The following OOEP variants were observed in gnomAD, a reference collection of about 807,000 sequenced individuals.
OOEP encodes oocyte expressed protein.
OOEP carries 16 observed loss-of-function variants against 13.7 expected under a neutral mutation model. The observed-to-expected ratio is 1.16, with a 90% CI of 0.79 to 1.77. The LOEUF (loss-of-function observed/expected upper bound fraction) is 1.77, where lower values mean the gene tolerates loss of function less well. Among genes scored for constraint, OOEP ranks in the 40% most tolerant of loss-of-function variants. The probability of loss-of-function intolerance (pLI) is 0.00; values close to 1 mark genes in which losing one functional copy is unlikely to be tolerated. For missense variants in OOEP, 195 were observed against 193.1 expected (o/e 1.01, Z -0.06); for synonymous variants, 89 against 77.1 (o/e 1.15, Z -0.81).
chr6:73,394,461 G>T lies in OOEP; in HGVS notation c.-91C>A, dbSNP rs1413119184. On this transcript the variant is annotated 5_prime_UTR_variant, in exon 2 of 4. Coordinates refer to the OOEP transcript ENST00000370363. ...GCCAGAAGCCAAGAGTTCAAGACCT[G>T]CCTGGGCAACACGGCGACACCCCGT... 18 of 687,632 alleles carry T rather than the reference G, an allele frequency of 2.6e-5. No homozygotes were observed. In the East Asian group the frequency reaches 4.9e-4, roughly 19 times the overall value. The allele number at this position is 687,632 out of a possible 1,614,324, so 42.6% of individuals were successfully genotyped here.
In OOEP at chr6:73,394,767, G is replaced by A. The variant is rs1582632713; in HGVS notation, c.-167C>T. ...GTGCGAAGTGGGCGGGATAGAGAGCGTGGGCGGGGGGGCTAGCCTCGTGCG... is the reference window on the plus strand; with the variant it reads ...GTGCGAAGTGGGCGGGATAGAGAGCATGGGCGGGGGGGCTAGCCTCGTGCG... On this transcript the variant is annotated 5_prime_UTR_variant, in exon 1 of 4. Transcript: ENST00000370363. 8.7e-6 allele frequency: 11 copies of A among 1,259,316 alleles called. No homozygotes were observed. In the East Asian group the frequency reaches 1.2e-4, roughly 14 times the overall value. 78.0% of individuals were successfully genotyped at this position (1,259,316 alleles called of 1,614,324 possible). A position where few individuals can be genotyped will look rare whatever the true frequency, so the allele number is the denominator to read the frequency against.
At chr6:73,375,452 C>T (rs970073202) in intron 2 of OOEP, among the ~76,000 whole-genome samples, 1 of 151,906 alleles carries the variant, frequency 6.6e-6, no homozygotes, top group Non-Finnish European at 1.5e-5. Context: ...GTGTCTCATG[C>T]CTTGTAGTCC....
chr6:73,385,097 A>G (rs1272407355), intron 2 of OOEP, among the ~76,000 whole-genome samples: 1 of 150,584 alleles, frequency 6.6e-6, no homozygotes, highest in African/African-American at 2.4e-5. Flanking sequence ...CTGTAATCCC[A>G]GCACTTTGGG....
chr6:73,369,395 T>A lies in OOEP; in HGVS notation c.191-10A>T. The A allele has an allele frequency of 6.2e-7, 1 of 1,605,656 alleles. No individual in the cohort carries two copies. On this transcript the variant is annotated splice_polypyrimidine_tract_variant and intron_variant, in intron 1 of 2. Transcript: ENST00000370359. ...ATGGCTCGGTCTGGGCCTAAACAAG[T>A]AAGGAAAAACTCTGAGGGGCTGCAC...
chr6:73,383,456 T>C (rs925742998), intron 2 of OOEP, among the ~76,000 whole-genome samples: 12 of 152,108 alleles, frequency 7.9e-5, no homozygotes, highest in African/African-American at 2.2e-4. Context: ...GTCAATATGG[T>C]GAAACCCCAT....
intron 2 of OOEP, among the ~76,000 whole-genome samples, chr6:73,383,483 A>G (rs1258810832): frequency 6.6e-6 from 1 of 152,068 alleles, no homozygotes; most frequent in African/African-American, 2.4e-5. Flanking sequence ...TAAAAATACA[A>G]AATTAGCTGG....
chr6:73,389,525 C>A (rs1315336323), intron 2 of OOEP, among the ~76,000 whole-genome samples: 1 of 152,040 alleles, frequency 6.6e-6, no homozygotes, highest in Non-Finnish European at 1.5e-5. Flanking sequence ...ATAGATTCCA[C>A]CGCTTTTTAT....
rs373840449 is a variant in OOEP, at chr6:73,392,284, G to A, written c.25+2062C>T. Among the ~76,000 whole-genome samples, 4 of 152,160 alleles carry A rather than the reference G, an allele frequency of 2.6e-5. No homozygotes were observed. In the South Asian group the frequency reaches 8.3e-4, roughly 32 times the overall value. ...AAAGATTAGAGAATGGAGATTAAAT[G>A]CCTATCATTTATTTAATGTTTTTTT... On this transcript the variant is annotated intron_variant, in intron 2 of 3. Transcript: ENST00000370363.
intron 2 of OOEP, among the ~76,000 whole-genome samples, chr6:73,392,676 G>T (rs1337550118): frequency 1.6e-5 from 2 of 127,106 alleles, no homozygotes; most frequent in African/African-American, 3.0e-5. Context: ...TCTGTCATCA[G>T]GCTGAAGTGC....
At chr6:73,378,575 A>G (rs1411142553) in intron 2 of OOEP, among the ~76,000 whole-genome samples, 1 of 151,954 alleles carries the variant, frequency 6.6e-6, no homozygotes, top group African/African-American at 2.4e-5. Context: ...ATATATGTTG[A>G]GTACCAGCAG....
At chr6:73,382,246 CTCG>C (rs1769220117) in intron 2 of OOEP, among the ~76,000 whole-genome samples, 1 of 120,424 alleles carries the variant, frequency 8.3e-6, no homozygotes, top group African/African-American at 3.1e-5. Context: ...GAGATGGAGT[CTCG>C]CTGTGTTGCC....
chr6:73,392,988 G>A (rs768888885), intron 2 of OOEP, among the ~76,000 whole-genome samples: 3 of 151,736 alleles, frequency 2.0e-5, no homozygotes, highest in African/African-American at 4.8e-5. Context: ...GGCTGGTCAC[G>A]AGCTCCAGAC....
chr6:73,369,454 G>T, intron 1 of OOEP, 69 bp from the exon 2 acceptor site: 1 of 1,541,042 alleles, frequency 6.5e-7, no homozygotes, highest in Non-Finnish European at 8.8e-7. Context: ...TGAAGGGAAT[G>T]TTGGCCAGGG....
Position 73,368,710 on chromosome 6 carries a change from C to CTA in OOEP, c.*72_*73dup, listed in dbSNP as rs1392394208. ...AAAGGAATACGGGGATTTAAGAATG[C>CTA]TATACTTGCTTTTCTTCAACTTTAG... On this transcript the variant is annotated 3_prime_UTR_variant, in exon 3 of 3. Coordinates refer to ENST00000370359, the MANE Select transcript of OOEP (RefSeq NM_001080507.3). 4.6e-5 allele frequency: 44 copies of CTA among 956,768 alleles called. No individual in the cohort carries two copies. The highest frequency in any genetic ancestry group is 3.4e-6 in the Non-Finnish European group (2 of 589,942). 59.3% of individuals were successfully genotyped at this position (956,768 alleles called of 1,614,324 possible).
At chr6:73,389,022 C>CTTA (rs1769311341) in intron 2 of OOEP, among the ~76,000 whole-genome samples, 1 of 41,968 alleles carries the variant, frequency 2.4e-5, no homozygotes, top group Non-Finnish European at 5.0e-5. Flanking sequence ...GGTGCAAATG[C>CTTA]GAAGCCGCGA....
chr6:73,394,413 C>G, exon 2 of OOEP: 1 of 712,984 alleles, frequency 1.4e-6, no homozygotes, highest in Non-Finnish European at 2.6e-6. Flanking sequence ...CTTTGGGAGG[C>G]CGAGGCTGGA....
chr6:73,369,779 G>C lies in OOEP; in HGVS notation c.14C>G (p.Ala5Gly). The C allele has an allele frequency of 1.2e-6, 2 of 1,613,364 alleles. No homozygotes were observed. Among genetic ancestry groups the C allele is most frequent in the Non-Finnish European group, 1.7e-6 (2 of 1,179,624 alleles). Residue 5 changes from alanine to glycine, a missense_variant, in exon 1 of 3, where the codon GCT becomes GGT. Ala to Gly is a moderately conservative substitution (Grantham distance 60, BLOSUM62 0). Coordinates refer to ENST00000370359, the MANE Select transcript of OOEP (RefSeq NM_001080507.3). MVDD[A>G]GAAESQRGKQ... Reference sequence around the variant, plus strand: ...GCCCCGCTGGGACTCAGCGGCACCAGCATCATCGACCATACTGGGACCAGC... The same window carrying C: ...GCCCCGCTGGGACTCAGCGGCACCACCATCATCGACCATACTGGGACCAGC...
upstream of OOEP, among the ~76,000 whole-genome samples, chr6:73,374,210 C>T (rs1057275771): frequency 6.6e-6 from 1 of 151,958 alleles, no homozygotes; most frequent in Non-Finnish European, 1.5e-5. Context: ...AGATAACGTA[C>T]AATTTTATGT....
At chr6:73,368,890 C>T (rs374956026) in intron 2 of OOEP, 27 bp from the exon 3 acceptor site, 81 of 1,550,710 alleles carry the variant, frequency 5.2e-5, no homozygotes, top group Non-Finnish European at 6.9e-5. Context: ...TGATACTAAC[C>T]ATGGACAGGG....
Sources: gnomAD v4.1 joint callset for allele counts (sites outside exome capture counted in the v4.1 genomes callset) on GRCh38, gnomAD v4.1.1 for gene constraint, MANE v1.5 for transcripts, NCBI Gene and HGNC (gene_info 2026-07-23, HGNC 2026-07-21) for gene names.